The following HDAC9 variants were observed in gnomAD, a reference collection of about 807,000 sequenced individuals.
HDAC9 encodes the protein MEF-2 interacting transcription repressor (MITR) protein.
A neutral mutation model predicts 139.4 loss-of-function variants in HDAC9; 41 were observed. The ratio of observed to expected loss-of-function variants is 0.29; its 90% CI spans 0.23 to 0.38. The LOEUF is 0.38. Ranked by LOEUF, HDAC9 falls within the 10% of genes least tolerant of loss-of-function variation. HDAC9 has a pLI of 1.00. For missense variants in HDAC9, 1,147 were observed against 1,297.0 expected (o/e 0.88, Z 1.78); for synonymous variants, 517 against 476.2 (o/e 1.09, Z -1.12).
chr7:18,486,272 T>TA (rs1475498797), intron 1 of HDAC9, among the ~76,000 whole-genome samples: 1 of 152,134 alleles, frequency 6.6e-6, no homozygotes, highest in Non-Finnish European at 1.5e-5. Flanking sequence ...TTCTGTTTCA[T>TA]AAAAAAGAGA....
chr7:18,436,290 C>G (rs1214900512), intron 1 of HDAC9, among the ~76,000 whole-genome samples: 2 of 152,034 alleles, frequency 1.3e-5, no homozygotes, highest in Non-Finnish European at 2.9e-5. Context: ...TAAAATTATG[C>G]AAATTTTATT....
chr7:18,921,267 A>T (rs144524884), intron 22 of HDAC9, among the ~76,000 whole-genome samples: 175 of 152,324 alleles, frequency 1.1e-3, no homozygotes, highest in Non-Finnish European at 1.8e-3. Flanking sequence ...CTGCACAGCA[A>T]ACGAAACCAC....
intron 13 of HDAC9, among the ~76,000 whole-genome samples, chr7:18,736,906 T>A (rs1195561858): frequency 6.6e-6 from 1 of 152,178 alleles, no homozygotes; most frequent in Admixed American, 6.5e-5. Flanking sequence ...TTGCCTCAAT[T>A]TCGGAGCCTG....
At chr7:18,121,127 T>A (rs2128093234) in intron 1 of HDAC9, among the ~76,000 whole-genome samples, 1 of 152,354 alleles carries the variant, frequency 6.6e-6, no homozygotes, top group East Asian at 1.9e-4. Flanking sequence ...GTTATTGGAA[T>A]GTAAGAGGTA....
intron 12 of HDAC9, among the ~76,000 whole-genome samples, chr7:18,711,466 AC>A (rs2129113600): frequency 6.6e-6 from 1 of 152,310 alleles, no homozygotes; most frequent in South Asian, 2.1e-4. Flanking sequence ...TCCTGCTGTC[AC>A]AATAGTCCTA....
chr7:18,493,598 T>C (rs1352271742), upstream of HDAC9, among the ~76,000 whole-genome samples: 1 of 151,884 alleles, frequency 6.6e-6, no homozygotes, highest in Admixed American at 6.6e-5. Context: ...CTTGTTCTGA[T>C]CTCACCACAA....
chr7:18,511,996 C>A (rs1439489399), intron 2 of HDAC9, among the ~76,000 whole-genome samples: 1 of 147,378 alleles, frequency 6.8e-6, no homozygotes, highest in African/African-American at 2.5e-5. Context: ...GTGAATGTTG[C>A]CCTGTTAATA....
intron 25 of HDAC9, among the ~76,000 whole-genome samples, chr7:18,977,929 C>G (rs1016609013): frequency 2.7e-4 from 39 of 146,776 alleles, no homozygotes; most frequent in South Asian, 6.4e-4. Context: ...GACACACACA[C>G]ACACACACAC....
At chr7:18,523,766 A>T (rs548371253) in intron 2 of HDAC9, among the ~76,000 whole-genome samples, 83 of 152,190 alleles carry the variant, frequency 5.5e-4, no homozygotes, top group African/African-American at 1.9e-3. Flanking sequence ...GCACCATCAC[A>T]TAGAGTAGTT....
At chr7:18,590,296 A>G (rs1388606423) in intron 3 of HDAC9, 40 bp from the exon 4 acceptor site, 2 of 1,606,038 alleles carry the variant, frequency 1.2e-6, no homozygotes, top group South Asian at 1.1e-5. Flanking sequence ...TATGAAGCCT[A>G]AAGAAATTGC....
intron 1 of HDAC9, among the ~76,000 whole-genome samples, chr7:18,476,370 A>C (rs1221884167): frequency 1.3e-5 from 2 of 152,162 alleles, no homozygotes; most frequent in African/African-American, 4.8e-5. Flanking sequence ...TTAATGACCA[A>C]CAAGTTGTAA....
intron 17 of HDAC9, among the ~76,000 whole-genome samples, chr7:18,796,339 C>T (rs1345691126): frequency 6.6e-6 from 1 of 152,200 alleles, no homozygotes; most frequent in Non-Finnish European, 1.5e-5. Context: ...TGGCTAACCT[C>T]CTAACTTTTG....
chr7:18,243,131 A>G (rs1234269038), intron 2 of HDAC9, among the ~76,000 whole-genome samples: 1 of 152,140 alleles, frequency 6.6e-6, no homozygotes, highest in Non-Finnish European at 1.5e-5. Context: ...TCACATAGTC[A>G]TTCTTTTTCT....
At chr7:18,800,378 G>A (rs946512987) in intron 17 of HDAC9, among the ~76,000 whole-genome samples, 11 of 152,042 alleles carry the variant, frequency 7.2e-5, no homozygotes, top group South Asian at 2.1e-4. Context: ...TAAACTCACC[G>A]TGTCATTTTG....
intron 2 of HDAC9, among the ~76,000 whole-genome samples, chr7:18,519,904 T>C (rs801761): frequency 0.021 from 3,240 of 152,188 alleles, 123 homozygotes; most frequent in African/African-American, 0.073. Context: ...TATTAAGTAA[T>C]GTCTGAAGAT....
At chr7:18,521,441 AGATCATTTACACAGAAT>A (rs1804995926) in intron 2 of HDAC9, among the ~76,000 whole-genome samples, 3 of 152,190 alleles carry the variant, frequency 2.0e-5, no homozygotes, top group African/African-American at 7.2e-5. Context: ...GTCACAATAT[AGATCATTTACACAGAAT>A]TTGTGTCCAG....
chr7:18,197,062 A>AC (rs1246439854), intron 2 of HDAC9, among the ~76,000 whole-genome samples: 1 of 151,870 alleles, frequency 6.6e-6, no homozygotes, highest in Non-Finnish European at 1.5e-5. Flanking sequence ...CAAAAGGCTG[A>AC]CCCCCCTTAT....
intron 1 of HDAC9, among the ~76,000 whole-genome samples, chr7:18,483,453 T>C (rs966885787): frequency 1.3e-5 from 2 of 152,180 alleles, no homozygotes; most frequent in Non-Finnish European, 2.9e-5. Context: ...ATCTGTTTGA[T>C]AGTGGATGTG....
intron 1 of HDAC9, among the ~76,000 whole-genome samples, chr7:18,372,166 G>A (rs768223634): frequency 5.3e-5 from 8 of 152,212 alleles, no homozygotes; most frequent in Non-Finnish European, 1.0e-4. Context: ...AGTTCTGAAA[G>A]TTTCCCAGGT....
Sources: allele counts gnomAD v4.1 joint callset (sites outside exome capture counted in the v4.1 genomes callset), GRCh38; gene constraint gnomAD v4.1.1; transcripts MANE v1.5; gene names NCBI Gene and HGNC (gene_info 2026-07-23, HGNC 2026-07-21).